Variants in SEMA5A observed in about 807,000 individuals in gnomAD.
SEMA5A encodes the protein semaphorin-5A.
A neutral mutation model predicts 135.5 loss-of-function variants in SEMA5A; 55 were observed. The observed-to-expected ratio is 0.41, with a 90% confidence interval of 0.33 to 0.51. The LOEUF is 0.51. Ranked by LOEUF, SEMA5A falls within the 20% of genes least tolerant of loss-of-function variation. The probability of loss-of-function intolerance (pLI) is 0.37; values close to 1 mark genes in which losing one functional copy is unlikely to be tolerated. For synonymous variants in SEMA5A, 580 were observed against 546.5 expected (o/e 1.06, Z -0.85); for missense variants, 1,290 against 1,419.9 (o/e 0.91, Z 1.47).
At chr5:9,110,745 T>C (rs974368454) in intron 15 of SEMA5A, among the ~76,000 whole-genome samples, 3 of 152,158 alleles carry the variant, frequency 2.0e-5, no homozygotes, top group South Asian at 2.1e-4. Context: ...GCGTAGCCAA[T>C]GGAACTGAAC....
At chr5:9,259,171 T>G (rs1042464240) in intron 5 of SEMA5A, among the ~76,000 whole-genome samples, 11 of 152,212 alleles carry the variant, frequency 7.2e-5, no homozygotes, top group Non-Finnish European at 1.2e-4. Context: ...ATTCTTTTGC[T>G]ATCTGCCTTT....
At chr5:9,416,672 C>T (rs113078759) in intron 2 of SEMA5A, among the ~76,000 whole-genome samples, 1 of 152,096 alleles carries the variant, frequency 6.6e-6, no homozygotes, top group African/African-American at 2.4e-5. Context: ...TGAATTTGCC[C>T]CTGCTTTTAA....
intron 5 of SEMA5A, among the ~76,000 whole-genome samples, chr5:9,277,015 G>A (rs911267446): frequency 2.6e-5 from 4 of 152,156 alleles, no homozygotes; most frequent in Non-Finnish European, 4.4e-5. Flanking sequence ...TATCATCAGA[G>A]TGAACAGGCA....
chr5:9,095,391 T>C (rs1400368117), intron 16 of SEMA5A, among the ~76,000 whole-genome samples: 2 of 152,242 alleles, frequency 1.3e-5, no homozygotes, highest in East Asian at 3.9e-4. Flanking sequence ...GAACTTAAAG[T>C]ATCATAAAAA....
intron 5 of SEMA5A, among the ~76,000 whole-genome samples, chr5:9,269,499 C>T (rs995857254): frequency 7.2e-5 from 11 of 152,000 alleles, no homozygotes; most frequent in African/African-American, 1.9e-4. Context: ...TCTAAGTTAG[C>T]GTACTCACTT....
intron 2 of SEMA5A, among the ~76,000 whole-genome samples, chr5:9,392,302 T>C (rs1190473960): frequency 6.6e-6 from 1 of 152,240 alleles, no homozygotes; most frequent in Non-Finnish European, 1.5e-5. Flanking sequence ...TCCTATTATA[T>C]GAAATTGATT....
chr5:9,444,664 T>C (rs1360306418), intron 1 of SEMA5A, among the ~76,000 whole-genome samples: 1 of 152,254 alleles, frequency 6.6e-6, no homozygotes, highest in Non-Finnish European at 1.5e-5. Context: ...TGTGCAAGTA[T>C]CTTTTTCATA....
At chr5:9,127,884 T>C (rs1238537069) in intron 13 of SEMA5A, among the ~76,000 whole-genome samples, 2 of 152,078 alleles carry the variant, frequency 1.3e-5, no homozygotes, top group South Asian at 2.1e-4. Flanking sequence ...ATATAGATGA[T>C]AGAAATATCT....
intron 2 of SEMA5A, among the ~76,000 whole-genome samples, chr5:9,431,797 C>A (rs766808309): frequency 6.6e-6 from 1 of 152,204 alleles, no homozygotes; most frequent in Non-Finnish European, 1.5e-5. Flanking sequence ...ATTAACCCCA[C>A]ACACATCTGC....
chr5:9,458,833 AGG>A (rs1222977487), intron 1 of SEMA5A, among the ~76,000 whole-genome samples: 3 of 152,216 alleles, frequency 2.0e-5, no homozygotes, highest in African/African-American at 7.2e-5. Context: ...AGAGGCTCCT[AGG>A]CAGGGAGTCC....
At chr5:9,094,284 AT>A (rs1739201806) in intron 16 of SEMA5A, among the ~76,000 whole-genome samples, 1 of 142,642 alleles carries the variant, frequency 7.0e-6, no homozygotes, top group South Asian at 2.3e-4. Context: ...GTCATTGAGA[AT>A]TTTCTTTTCT....
intron 5 of SEMA5A, among the ~76,000 whole-genome samples, chr5:9,294,559 G>A (rs1238646167): frequency 6.6e-6 from 1 of 152,158 alleles, no homozygotes; most frequent in African/African-American, 2.4e-5. Context: ...AATACCTAGT[G>A]CTGTCCTTAT....
At chr5:9,192,718 C>A (rs1176038649) in intron 10 of SEMA5A, among the ~76,000 whole-genome samples, 1 of 152,212 alleles carries the variant, frequency 6.6e-6, no homozygotes, top group Non-Finnish European at 1.5e-5. Context: ...GATCTAATGT[C>A]TACGCAGAAA....
intron 3 of SEMA5A, among the ~76,000 whole-genome samples, chr5:9,353,354 G>GGGAAGGAAAGGGAAGGA (rs1754288041): frequency 3.7e-5 from 2 of 54,364 alleles, no homozygotes; most frequent in East Asian, 6.9e-4. Flanking sequence ...AAAGGAAAGG[G>GGGAAGGAAAGGGAAGGA]AAGGAAAGGA....
intron 13 of SEMA5A, among the ~76,000 whole-genome samples, chr5:9,130,701 T>C (rs1741362007): frequency 6.6e-6 from 1 of 152,222 alleles, no homozygotes; most frequent in Admixed American, 6.5e-5. Flanking sequence ...TTAGTTCTCT[T>C]TTCTTTCTCT....
At chr5:9,047,772 G>A (rs1254618998) in intron 21 of SEMA5A, among the ~76,000 whole-genome samples, 2 of 152,110 alleles carry the variant, frequency 1.3e-5, no homozygotes, top group Non-Finnish European at 2.9e-5. Context: ...AGTGCCAGCA[G>A]CCTGAAGATC....
At chr5:9,154,045 C>CAAAAAAAAA (rs1157417525) in intron 12 of SEMA5A, among the ~76,000 whole-genome samples, 17 of 34,182 alleles carry the variant, frequency 5.0e-4, no homozygotes, top group African/African-American at 2.0e-3. Context: ...GACTGTGTCT[C>CAAAAAAAAA]AAAAAAAAAA....
At chr5:9,375,104 A>G (rs145934475) in intron 3 of SEMA5A, among the ~76,000 whole-genome samples, 4 of 152,102 alleles carry the variant, frequency 2.6e-5, no homozygotes, top group African/African-American at 9.6e-5. Flanking sequence ...TATATCTATC[A>G]TCTAGTCCCT....
At chr5:9,267,548 C>T (rs951543617) in intron 5 of SEMA5A, among the ~76,000 whole-genome samples, 1 of 152,108 alleles carries the variant, frequency 6.6e-6, no homozygotes, top group African/African-American at 2.4e-5. Context: ...TTTACAGACC[C>T]TGAAATCTTC....
Sources: allele counts gnomAD v4.1 joint callset (sites outside exome capture counted in the v4.1 genomes callset), GRCh38; gene constraint gnomAD v4.1.1; transcripts MANE v1.5; gene names NCBI Gene and HGNC (gene_info 2026-07-23, HGNC 2026-07-21).